The following SULT1C2 variants were observed in gnomAD, a reference collection of about 807,000 sequenced individuals.
SULT1C2 encodes sulfotransferase family 1C member 2.
SULT1C2 carries 27 observed loss-of-function variants against 36.0 expected under a neutral mutation model. The observed-to-expected ratio is 0.75, with a 90% CI of 0.55 to 1.03. The LOEUF (loss-of-function observed/expected upper bound fraction) is 1.03, where lower values mean the gene tolerates loss of function less well. Among genes scored for constraint, SULT1C2 ranks in the 50% least tolerant of loss-of-function variants. The probability of loss-of-function intolerance (pLI) is 0.00; values close to 1 mark genes in which losing one functional copy is unlikely to be tolerated. For synonymous variants in SULT1C2, 121 were observed against 116.0 expected, an observed-to-expected ratio of 1.04 and a Z score of -0.27; for missense variants, 395 against 359.2, an observed-to-expected ratio of 1.10 and a Z score of -0.80.
At position 108,308,555 on chromosome 2, in the gene SULT1C2, A is replaced by G. The variant is rs1677078683; in HGVS notation, c.*91A>G. The G allele has an allele frequency of 9.8e-7, 1 of 1,023,506 alleles. No homozygotes were observed. Among genetic ancestry groups the G allele is most frequent in the Non-Finnish European group, 1.4e-6 (1 of 698,698 alleles). The allele number at this position is 1,023,506 out of a possible 1,614,324, so 63.4% of individuals were successfully genotyped here. A position where few individuals can be genotyped will look rare whatever the true frequency, so the allele number is the denominator to read the frequency against. ...CCCAGCCAGAAGAATCTCTGAAAGCATATTGTGAATGTATACAATGTAGTA... is the reference window on the plus strand; with the variant it reads ...CCCAGCCAGAAGAATCTCTGAAAGCGTATTGTGAATGTATACAATGTAGTA... On this transcript the variant is annotated 3_prime_UTR_variant, in exon 8 of 8. Coordinates refer to ENST00000251481, the MANE Select transcript of SULT1C2 (RefSeq NM_001056.4).
chr2:108,298,041 G>A (rs1327081419), intron 3 of SULT1C2, among the ~76,000 whole-genome samples: 11 of 152,202 alleles, frequency 7.2e-5, no homozygotes, highest in Non-Finnish European at 1.3e-4. Context: ...GGAAAGAGGA[G>A]AGCCGCGAGT....
chr2:108,304,780 C>A, intron 5 of SULT1C2, 80 bp downstream of exon 5: 1 of 1,522,946 alleles, frequency 6.6e-7, no homozygotes, highest in East Asian at 2.3e-5. Flanking sequence ...CATTTTATCC[C>A]CTAGAATGCC....
intron 3 of SULT1C2, chr2:108,300,502 T>A: frequency 2.7e-6 from 1 of 373,538 alleles, no homozygotes. Flanking sequence ...CACATGGGGG[T>A]CATCTCTGGC....
At chr2:108,304,383 A>C in intron 4 of SULT1C2, 191 bp from the exon 5 acceptor site, 1 of 509,642 alleles carries the variant, frequency 2.0e-6, no homozygotes, top group South Asian at 4.4e-5. Context: ...ACTGAGTTTG[A>C]AGTAGAGAGC....
At chr2:108,300,658 C>T in intron 3 of SULT1C2, 180 bp from the exon 4 acceptor site, 1 of 1,042,506 alleles carries the variant, frequency 9.6e-7, no homozygotes, top group Non-Finnish European at 1.3e-6. Context: ...AGGACTCAAG[C>T]TGTGTGATTT....
chr2:108,294,427 A>G, intron 3 of SULT1C2, 73 bp downstream of exon 3: 2 of 1,094,246 alleles, frequency 1.8e-6, no homozygotes, highest in South Asian at 1.6e-5. Context: ...GTCTTTTCTC[A>G]CTTTTCTCCT....
chr2:108,303,846 G>C (rs1484714523), intron 4 of SULT1C2: 1 of 152,150 alleles, frequency 6.6e-6, no homozygotes, highest in African/African-American at 2.4e-5. Flanking sequence ...ATGTCCCCTA[G>C]TGGATACAAT....
At chr2:108,290,572 A>G (rs1347802373) in intron 1 of SULT1C2, among the ~76,000 whole-genome samples, 1 of 152,214 alleles carries the variant, frequency 6.6e-6, no homozygotes, top group Non-Finnish European at 1.5e-5. Context: ...TGAAAAGTCC[A>G]AGAGCATGGT....
intron 1 of SULT1C2, among the ~76,000 whole-genome samples, chr2:108,292,260 A>C (rs559723803): frequency 1.2e-3 from 186 of 152,280 alleles, no homozygotes; most frequent in South Asian, 4.6e-3. Flanking sequence ...TTTAACTACT[A>C]TTTCATTAGT....
At chr2:108,297,498 A>G (rs1676764263) in intron 3 of SULT1C2, among the ~76,000 whole-genome samples, 1 of 152,168 alleles carries the variant, frequency 6.6e-6, no homozygotes, top group Admixed American at 6.5e-5. Context: ...TCTTAGTGCA[A>G]CTGACGAAGG....
intron 1 of SULT1C2, among the ~76,000 whole-genome samples, chr2:108,292,692 C>T (rs575475327): frequency 2.0e-5 from 3 of 152,158 alleles, no homozygotes; most frequent in African/African-American, 4.8e-5. Flanking sequence ...TAAAATGGTG[C>T]AGCTGCTGTG....
At chr2:108,294,767 CACACACACAT>C (rs1676682112) in intron 3 of SULT1C2, among the ~76,000 whole-genome samples, 1 of 150,688 alleles carries the variant, frequency 6.6e-6, no homozygotes, top group African/African-American at 2.5e-5. Flanking sequence ...ATCGATAATT[CACACACACAT>C]ACACACACAC....
intron 3 of SULT1C2, among the ~76,000 whole-genome samples, chr2:108,298,091 T>C (rs1558678738): frequency 6.6e-6 from 1 of 152,338 alleles, no homozygotes; most frequent in East Asian, 1.9e-4. Context: ...TCTCACTTTC[T>C]GGCAGATTCC....
intron 3 of SULT1C2, among the ~76,000 whole-genome samples, chr2:108,296,982 G>A (rs188070901): frequency 6.6e-5 from 10 of 152,244 alleles, no homozygotes; most frequent in South Asian, 2.1e-4. Flanking sequence ...CCTTGTAGCC[G>A]TTCTGTGACA....
rs149186457 is a variant in SULT1C2 at position 108,305,252 on chromosome 2, G to A, written c.583G>A (p.Glu195Lys). The A allele has an allele frequency of 1.4e-3, 2,303 of 1,614,188 alleles. 4 individuals are homozygous for A. Among genetic ancestry groups the A allele is most frequent in the Non-Finnish European group, 1.9e-3 (2,213 of 1,180,030 alleles). Residue 195 changes from glutamate (E) to lysine (K), a missense_variant, in exon 6 of 8, where the codon GAG becomes AAG. Physicochemically the swap from Glu to Lys is moderately conservative, Grantham distance 56 (BLOSUM62 1). Transcript: ENST00000251481. ...ACACCAGATTCTCTTCCTCTTCTAT[G>A]AGGACATAAAGAGGGTGAGTGAAGG... is the stretch of plus-strand genomic sequence containing the variant. ...DRHQILFLFY[E>K]DIKRDPKHEI...
chr2:108,297,110 A>T (rs1267433468), intron 3 of SULT1C2, among the ~76,000 whole-genome samples: 1 of 152,206 alleles, frequency 6.6e-6, no homozygotes, highest in Non-Finnish European at 1.5e-5. Flanking sequence ...GAAATCTAGG[A>T]ATGATCCACT....
rs896511076 is a variant in SULT1C2, at chr2:108,305,229, A to T, written c.560A>T (p.His187Leu). The change falls in exon 6 of 8, where the codon CAC becomes CTC. Residue 187 changes from histidine (H) to leucine (L), a missense_variant. Coordinates refer to ENST00000251481, the MANE Select transcript of SULT1C2 (RefSeq NM_001056.4). ...VKGWWEMKDRHQILFLFYEDI... is the reference protein window; with the variant it reads ...VKGWWEMKDRLQILFLFYEDI... ...GGATGGTGGGAGATGAAAGACAGAC[A>T]CCAGATTCTCTTCCTCTTCTATGAG... The T allele has an allele frequency of 1.2e-6, 2 of 1,614,200 alleles. No homozygotes were observed. Among genetic ancestry groups the T allele is most frequent in the South Asian group, 2.2e-5 (2 of 91,080 alleles).
At chr2:108,298,530 A>T in intron 3 of SULT1C2, 1 of 256,964 alleles carries the variant, frequency 3.9e-6, no homozygotes, top group South Asian at 3.2e-5. Context: ...GGTGCGTATC[A>T]CCATGCCCAG....
At chr2:108,303,811 C>G (rs1176254637) in intron 4 of SULT1C2, 2 of 152,092 alleles carry the variant, frequency 1.3e-5, no homozygotes, top group African/African-American at 2.4e-5. Flanking sequence ...GCTGTGCAAC[C>G]AAAAATGTCT....
Sources: allele counts gnomAD v4.1 joint callset (sites outside exome capture counted in the v4.1 genomes callset), GRCh38; gene constraint gnomAD v4.1.1; transcripts MANE v1.5; gene names NCBI Gene and HGNC (gene_info 2026-07-23, HGNC 2026-07-21).